RANBP1: variants seen among roughly 807,000 people sequenced by gnomAD.
RANBP1 encodes ran-specific GTPase-activating protein.
RANBP1 carries 16 observed loss-of-function variants against 31.4 expected under a neutral mutation model. The observed-to-expected ratio is 0.51, with a 90% CI of 0.34 to 0.77. RANBP1 has a LOEUF of 0.77. Among genes scored for constraint, RANBP1 ranks in the 30% least tolerant of loss-of-function variants. The pLI is 0.01. For missense variants in RANBP1, 265 were observed against 362.0 expected, an observed-to-expected ratio of 0.73 and a Z score of 2.17; for synonymous variants, 129 against 140.5, an observed-to-expected ratio of 0.92 and a Z score of 0.58.
chr22:20,126,657 G>A, intron 5 of RANBP1: 1 of 1,512,722 alleles, frequency 6.6e-7, no homozygotes. Flanking sequence ...GTCTCTCAGA[G>A]GGCTTGGTCA....
intron 4 of RANBP1, 111 bp downstream of exon 4, chr22:20,125,547 G>T: frequency 6.5e-7 from 1 of 1,539,160 alleles, no homozygotes; most frequent in South Asian, 1.2e-5. Context: ...GGCAGTAACT[G>T]GGAAGTGTGT....
At chr22:20,126,709 C>T in intron 5 of RANBP1, 1 of 1,485,174 alleles carries the variant, frequency 6.7e-7, no homozygotes, top group South Asian at 1.2e-5. Context: ...TGGCAAGTGA[C>T]CAGATGTCAC....
intron 2 of RANBP1, among the ~76,000 whole-genome samples, chr22:20,119,741 T>C (rs890244084): frequency 6.6e-6 from 1 of 152,184 alleles, no homozygotes; most frequent in African/African-American, 2.4e-5. Flanking sequence ...GGTCTCGATC[T>C]CCTGACCTCA....
At chr22:20,125,209 G>A (rs2050268963) in intron 3 of RANBP1, 99 bp from the exon 4 acceptor site, 3 of 1,391,586 alleles carry the variant, frequency 2.2e-6, no homozygotes, top group Non-Finnish European at 3.0e-6. Context: ...GTCTGAAGCA[G>A]ACCCCTCAGG....
At chr22:20,116,850 C>T in intron 1 of RANBP1, 1 of 1,598,850 alleles carries the variant, frequency 6.3e-7, no homozygotes, top group Non-Finnish European at 8.5e-7. Context: ...CCACCCCATC[C>T]CCGTCTCTAC....
intron 2 of RANBP1, among the ~76,000 whole-genome samples, chr22:20,120,259 C>T (rs2050144824): frequency 6.6e-6 from 1 of 152,236 alleles, no homozygotes; most frequent in African/African-American, 2.4e-5. Flanking sequence ...CCTTTGGTCA[C>T]AGAGGGTGAT....
Position 20,119,117 on chromosome 22 carries a change from A to C in RANBP1, c.351A>C (p.Thr117=). Residue 117 remains threonine, a synonymous_variant, in exon 2 of 6, where the codon ACA becomes ACC. Coordinates refer to ENST00000430524, the MANE Select transcript of RANBP1 (RefSeq NM_001278639.2). ...CTCTTCCTGAGCAAGAAATTAAAACACTGGAAGAAGATGAAGAGGAACTTT... is the reference window on the plus strand; with the variant it reads ...CTCTTCCTGAGCAAGAAATTAAAACCCTGGAAGAAGATGAAGAGGAACTTT... ...IVSLPEQEIK[T]LEEDEEELFK... The C allele has an allele frequency of 6.2e-7, 1 of 1,612,840 alleles. No individual in the cohort carries two copies.
At chr22:20,119,590 C>T (rs60558247) in intron 2 of RANBP1, 5,251 of 166,260 alleles carry the variant, frequency 0.032, 298 homozygotes, top group African/African-American at 0.12. Context: ...TGCAGTGGTG[C>T]GATCTTGGCT....
At chr22:20,117,626 AGCCGCC>A (rs750187557) in intron 1 of RANBP1, 39 of 1,117,694 alleles carry the variant, frequency 3.5e-5, no homozygotes, top group East Asian at 6.5e-5. Context: ...GACCCAGCCG[AGCCGCC>A]GCCGCCGCCG....
At chr22:20,116,833 C>CCAACAA in intron 1 of RANBP1, 1 of 1,527,696 alleles carries the variant, frequency 6.5e-7, no homozygotes, top group Non-Finnish European at 9.0e-7. Flanking sequence ...ACCCACCCCG[C>CCAACAA]CTCCTCCCAC....
In RANBP1 at chr22:20,126,558, G is replaced by A. The variant is rs774547964; in HGVS notation, c.736+190G>A. ...TGGGGAGCCCTGAGCACTTGTCAGTGTTGCTGGCCTCAGTCCAATTGGGCA... is the reference window on the plus strand; with the variant it reads ...TGGGGAGCCCTGAGCACTTGTCAGTATTGCTGGCCTCAGTCCAATTGGGCA... On this transcript the variant is annotated intron_variant, in intron 5 of 5. Transcript: ENST00000430524. 2.6e-5 allele frequency: 40 copies of A among 1,560,074 alleles called. 1 individual carries two copies. The East Asian group carries it at 8.9e-4, about 35-fold the overall frequency.
chr22:20,122,686 T>G, intron 3 of RANBP1: 1 of 1,378,646 alleles, frequency 7.3e-7, no homozygotes, highest in Non-Finnish European at 9.6e-7. Flanking sequence ...CAGGCTGGGC[T>G]CGGGACGAGG....
In RANBP1 at chr22:20,127,194, G is replaced by GT. The variant is rs143470990; in HGVS notation, c.*154dup. The GT allele has an allele frequency of 0.065, 28,429 of 437,838 alleles. 4 individuals carry two copies. Among genetic ancestry groups the GT allele is most frequent in the East Asian group, 0.11 (2,131 of 19,290 alleles). 27.1% of individuals were successfully genotyped at this position (437,838 alleles called of 1,614,324 possible). On this transcript the variant is annotated 3_prime_UTR_variant, in exon 6 of 6. Transcript: ENST00000430524. Reference sequence around the variant, plus strand: ...AAGAACTGAACTCAACATTCAGGTTGTTTTTTTTTTTTGTTTCTAAGTTTT... The same window carrying GT: ...AAGAACTGAACTCAACATTCAGGTTGTTTTTTTTTTTTTGTTTCTAAGTTTT...
At position 20,119,031 on chromosome 22, in the gene RANBP1, G is replaced by T; in HGVS notation, c.265G>T (p.Asp89Tyr). The change falls in exon 2 of 6, where the codon GAT becomes TAT. Residue 89 changes from aspartate (D) to tyrosine (Y), a missense_variant. Around this residue, in one of 3 missense-constraint regions of RANBP1, gnomAD observed 126 missense variants for 123.6 expected, o/e 1.02. Transcript: ENST00000430524. ...TCCACAGGACACTCATGAGGACCATGATACTTCCACTGAGAATACAGACGA... is the reference window on the plus strand; with the variant it reads ...TCCACAGGACACTCATGAGGACCATTATACTTCCACTGAGAATACAGACGA... ...KISEDTHEDH[D>Y]TSTENTDESN... 1 of 1,612,986 alleles carries T rather than the reference G, an allele frequency of 6.2e-7. No homozygotes were observed. Among genetic ancestry groups the T allele is most frequent in the South Asian group, 1.1e-5 (1 of 91,040 alleles).
At chr22:20,126,618 A>G (rs758101203) in intron 5 of RANBP1, 1 of 1,526,970 alleles carries the variant, frequency 6.5e-7, no homozygotes, top group African/African-American at 1.4e-5. Flanking sequence ...GGAGCTCACC[A>G]GAAGGTGCTT....
At position 20,116,206 on chromosome 22, in the gene RANBP1, G is replaced by T; in HGVS notation, c.22G>T (p.Ala8Ser). The T allele has an allele frequency of 6.2e-7, 1 of 1,613,016 alleles. No individual in the cohort carries two copies. The highest frequency in any genetic ancestry group is 8.5e-7 in the Non-Finnish European group (1 of 1,180,012). Residue 8 changes from alanine (A) to serine (S), a missense_variant, in exon 1 of 6, where the codon GCC (alanine) becomes TCC (serine). This residue lies in a region of RANBP1 where 126 missense variants were observed against 123.6 expected (regional missense o/e 1.02). Transcript: ENST00000430524. ...GGCCATGGGGTCGGCCTTGGGCCGG[G>T]CCAGGCGCACACTGAGTGGGCGGCC... MGSALGRARRTLSGRPFQ... is the reference protein window; with the variant it reads MGSALGRSRRTLSGRPFQ...
chr22:20,117,814 G>C (rs1311953484), intron 1 of RANBP1: 2 of 1,023,438 alleles, frequency 2.0e-6, no homozygotes, highest in South Asian at 9.2e-5. Flanking sequence ...GAGTCGGGGC[G>C]CGTGGGGTTT....
At chr22:20,118,654 G>A (rs1477831891) in intron 1 of RANBP1, among the ~76,000 whole-genome samples, 2 of 152,234 alleles carry the variant, frequency 1.3e-5, no homozygotes, top group Non-Finnish European at 2.9e-5. Context: ...GCATTTTATG[G>A]ATGAGGAAGA....
chr22:20,125,966 G>A (rs1276924051), intron 4 of RANBP1, among the ~76,000 whole-genome samples: 1 of 152,254 alleles, frequency 6.6e-6, no homozygotes, highest in Non-Finnish European at 1.5e-5. Flanking sequence ...GTGGCCTGGC[G>A]CCTGGTAGCT....
Sources: allele counts gnomAD v4.1 joint callset (sites outside exome capture counted in the v4.1 genomes callset), GRCh38; gene constraint gnomAD v4.1.1; regional missense constraint gnomAD v4.1.1; transcripts MANE v1.5; gene names NCBI Gene and HGNC (gene_info 2026-07-23, HGNC 2026-07-21).